The following NALCN variants were observed in gnomAD, a reference collection of about 807,000 sequenced individuals.
The protein encoded by NALCN is sodium leak channel, non-selective.
In NALCN, 111 loss-of-function variants were observed where a neutral mutation model predicts 225.3. That is an observed-to-expected ratio of 0.49 (90% CI 0.42 to 0.58). The LOEUF (loss-of-function observed/expected upper bound fraction) is 0.58. NALCN is among the 20% of genes least tolerant of loss of function. The probability of loss-of-function intolerance (pLI) is 0.00; values close to 1 mark genes in which losing one functional copy is unlikely to be tolerated. For missense variants in NALCN, 1,378 were observed against 2,202.4 expected (o/e 0.63, Z 7.49); for synonymous variants, 764 against 769.0 (o/e 0.99, Z 0.11).
intron 1 of NALCN, among the ~76,000 whole-genome samples, chr13:101,407,855 T>C (rs2047667550): frequency 6.6e-6 from 1 of 152,220 alleles, no homozygotes; most frequent in Admixed American, 6.5e-5. Context: ...TTATTTATAA[T>C]TTCTTTGAAA....
At position 101,107,809 on chromosome 13, in the gene NALCN, G is replaced by A. The variant is rs751167755; in HGVS notation, c.2365-20C>T. ...GGAATGCTAGAAATAAATTAACAGG[G>A]GGTGTGTTAAAACAGGAGGGTTTTG... On this transcript the variant is annotated intron_variant, in intron 20 of 43. Transcript: ENST00000251127. The A allele has an allele frequency of 1.9e-6, 3 of 1,597,742 alleles. No homozygotes were observed. The highest frequency in any genetic ancestry group is 2.6e-6 in the Non-Finnish European group (3 of 1,171,886).
intron 3 of NALCN, among the ~76,000 whole-genome samples, chr13:101,379,506 C>T (rs1252926356): frequency 6.6e-6 from 1 of 152,014 alleles, no homozygotes; most frequent in Non-Finnish European, 1.5e-5. Flanking sequence ...GAAAATGTGG[C>T]CCAATATACT....
At chr13:101,241,874 C>T (rs539440489) in intron 11 of NALCN, among the ~76,000 whole-genome samples, 1 of 108,066 alleles carries the variant, frequency 9.3e-6, no homozygotes, top group East Asian at 2.4e-4. Flanking sequence ...TTTGCACAGG[C>T]CTCTAGTCAC....
chr13:101,233,552 G>A (rs2041435140), intron 12 of NALCN, among the ~76,000 whole-genome samples: 1 of 151,902 alleles, frequency 6.6e-6, no homozygotes, highest in Non-Finnish European at 1.5e-5. Context: ...ATGTTAGCCG[G>A]GATAGTCTTG....
intron 33 of NALCN, 125 bp downstream of exon 33, chr13:101,082,684 T>C (rs2033719815): frequency 2.1e-6 from 2 of 962,012 alleles, no homozygotes; most frequent in South Asian, 2.9e-5. Flanking sequence ...GTAGGAAATA[T>C]CCTAAGGGCA....
At chr13:101,290,337 AG>A (rs2043506935) in intron 9 of NALCN, among the ~76,000 whole-genome samples, 1 of 152,200 alleles carries the variant, frequency 6.6e-6, no homozygotes, top group South Asian at 2.1e-4. Context: ...ATGTGAGTTA[AG>A]GGCTGAGATC....
chr13:101,180,579 G>C (rs921417155), intron 14 of NALCN: 1 of 163,038 alleles, frequency 6.1e-6, no homozygotes, highest in Non-Finnish European at 1.4e-5. Context: ...AACTCAGAAA[G>C]GGCTGTCATT....
intron 11 of NALCN, among the ~76,000 whole-genome samples, chr13:101,257,453 G>A (rs1288365806): frequency 6.6e-6 from 1 of 152,050 alleles, no homozygotes; most frequent in African/African-American, 2.4e-5. Flanking sequence ...GCTTGTGCGT[G>A]GGTAGACTAA....
At chr13:101,321,344 T>C (rs190704773) in intron 7 of NALCN, among the ~76,000 whole-genome samples, 7 of 151,954 alleles carry the variant, frequency 4.6e-5, no homozygotes, top group Admixed American at 2.0e-4. Flanking sequence ...AATAAACATA[T>C]AAAAAAATGC....
intron 7 of NALCN, among the ~76,000 whole-genome samples, chr13:101,332,987 A>C (rs2045240507): frequency 6.6e-6 from 1 of 152,146 alleles, no homozygotes; most frequent in African/African-American, 2.4e-5. Context: ...TTCTTGTTTT[A>C]TTTTAATATC....
chr13:101,195,427 TA>T (rs2039850094), intron 13 of NALCN, among the ~76,000 whole-genome samples: 1 of 152,236 alleles, frequency 6.6e-6, no homozygotes, highest in Admixed American at 6.5e-5. Context: ...TAAGTGTTTT[TA>T]TTTTGCTTAA....
chr13:101,308,785 C>T (rs1278187638), intron 7 of NALCN, among the ~76,000 whole-genome samples: 1 of 152,254 alleles, frequency 6.6e-6, no homozygotes, highest in African/African-American at 2.4e-5. Flanking sequence ...GGAAACAAAA[C>T]AAGGCAAAGT....
At chr13:101,112,866 T>A (rs943183480) in intron 18 of NALCN, among the ~76,000 whole-genome samples, 5 of 152,184 alleles carry the variant, frequency 3.3e-5, no homozygotes, top group African/African-American at 1.2e-4. Flanking sequence ...ACATGTATAA[T>A]AGAAGCATTT....
chr13:101,397,121 C>CATAT (rs10679116), intron 2 of NALCN, among the ~76,000 whole-genome samples: 4 of 108,984 alleles, frequency 3.7e-5, no homozygotes, highest in Admixed American at 1.8e-4. Flanking sequence ...CATACACATA[C>CATAT]ATATATATAA....
intron 3 of NALCN, among the ~76,000 whole-genome samples, chr13:101,383,236 T>A (rs571475121): frequency 3.3e-5 from 5 of 152,254 alleles, no homozygotes; most frequent in Admixed American, 2.6e-4. Context: ...ACAACTCAGC[T>A]CATGTATATA....
intron 13 of NALCN, among the ~76,000 whole-genome samples, chr13:101,222,665 G>A (rs1399343943): frequency 6.6e-6 from 1 of 152,148 alleles, no homozygotes. Context: ...CGCCCAACAA[G>A]CAGAATTAGT....
chr13:101,118,237 G>A (rs539190078), intron 18 of NALCN, among the ~76,000 whole-genome samples: 2 of 151,940 alleles, frequency 1.3e-5, no homozygotes, highest in East Asian at 3.9e-4. Context: ...ACCTAAAACT[G>A]CTCAAAAAAT....
chr13:101,259,671 C>T (rs373727849), intron 10 of NALCN, among the ~76,000 whole-genome samples: 18 of 149,250 alleles, frequency 1.2e-4, no homozygotes, highest in African/African-American at 3.2e-4. Context: ...ATGTATTAAA[C>T]GGTTACTATG....
At chr13:101,060,449 A>ATTTTTTTTTTTTTTTTTTTTTTTTTTT (rs55697849) in intron 41 of NALCN, among the ~76,000 whole-genome samples, 1 of 93,720 alleles carries the variant, frequency 1.1e-5, no homozygotes, top group African/African-American at 4.4e-5. Context: ...TGGCTAATTA[A>ATTTTTTTTTTTTTTTTTTTTTTTTTTT]TTTTTTTTTT....
Sources: allele counts gnomAD v4.1 joint callset (sites outside exome capture counted in the v4.1 genomes callset), GRCh38; gene constraint gnomAD v4.1.1; transcripts MANE v1.5; gene names NCBI Gene and HGNC (gene_info 2026-07-23, HGNC 2026-07-21).